SPAST: variants seen among roughly 807,000 people sequenced by gnomAD.
The protein encoded by SPAST is spastin.
Under a neutral mutation model 76.6 loss-of-function variants are expected in SPAST, and 30 were observed. The ratio of observed to expected loss-of-function variants is 0.39; its 90% CI spans 0.29 to 0.53. The LOEUF (loss-of-function observed/expected upper bound fraction) is 0.53. Ranked by LOEUF, SPAST falls within the 20% of genes least tolerant of loss-of-function variation. SPAST has a pLI of 0.68. For missense variants in SPAST, 717 were observed against 770.5 expected (o/e 0.93, Z 0.82); for synonymous variants, 305 against 281.0 (o/e 1.09, Z -0.86).
intron 1 of SPAST, among the ~76,000 whole-genome samples, chr2:32,084,344 T>C (rs568385407): frequency 6.0e-5 from 9 of 151,220 alleles, no homozygotes; most frequent in African/African-American, 2.2e-4. Flanking sequence ...TTTTGTATTT[T>C]TAGTAGAGAC....
chr2:32,082,367 T>A (rs572422920), intron 1 of SPAST, among the ~76,000 whole-genome samples: 88 of 152,186 alleles, frequency 5.8e-4, no homozygotes, highest in African/African-American at 2.0e-3. Flanking sequence ...AAATGGATAT[T>A]CTTATACATT....
chr2:32,154,725 C>G lies in SPAST; in HGVS notation c.*229C>G. The G allele has an allele frequency of 1.9e-6, 1 of 519,108 alleles. No homozygotes were observed. The highest frequency in any genetic ancestry group is 3.5e-6 in the Non-Finnish European group (1 of 289,064). The allele number at this position is 519,108 out of a possible 1,614,324, so 32.2% of individuals were successfully genotyped here. ...CCTTGCCTTGATGGTCACAGTTATC[C>G]CAATGGACACTAAGTTAGAGCACAA... is the stretch of plus-strand genomic sequence containing the variant. On this transcript the variant is annotated 3_prime_UTR_variant, in exon 17 of 17. Coordinates refer to ENST00000315285, the MANE Select transcript of SPAST (RefSeq NM_014946.4).
Position 32,098,806 on chromosome 2 carries a change from A to T in SPAST, c.597A>T (p.Gln199His). The change falls in exon 4 of 17, where the codon CAA becomes CAT. Residue 199 changes from glutamine to histidine, a missense_variant. This residue lies in a region of SPAST where 543 missense variants were observed against 445.2 expected (regional missense o/e 1.22). Coordinates refer to ENST00000315285, the MANE Select transcript of SPAST (RefSeq NM_014946.4). ...TTCTCTGTTGCATAGAGAAGATGCA[A>T]CCAGTTTTGCCATTTTCCAAGTCAC... ...KDRLQLLEKM[Q>H]PVLPFSKSQT... The T allele has an allele frequency of 1.2e-6, 2 of 1,612,532 alleles. No homozygotes were observed. Among genetic ancestry groups the T allele is most frequent in the South Asian group, 2.2e-5 (2 of 91,048 alleles).
At chr2:32,131,285 T>G (rs1679361753) in intron 9 of SPAST, among the ~76,000 whole-genome samples, 1 of 152,192 alleles carries the variant, frequency 6.6e-6, no homozygotes, top group Non-Finnish European at 1.5e-5. Context: ...CCCTCCAAAC[T>G]ATTCCCCGTT....
intron 7 of SPAST, among the ~76,000 whole-genome samples, chr2:32,125,769 C>T (rs1007565087): frequency 6.6e-6 from 1 of 151,986 alleles, no homozygotes; most frequent in Non-Finnish European, 1.5e-5. Context: ...GTTCCTCATA[C>T]CAACTTTCAA....
intron 16 of SPAST, 70 bp downstream of exon 16, chr2:32,147,328 G>A: frequency 1.7e-6 from 1 of 593,374 alleles, no homozygotes; most frequent in Non-Finnish European, 3.0e-6. Flanking sequence ...ATACATATAT[G>A]AATGTGTGTG....
intron 7 of SPAST, among the ~76,000 whole-genome samples, chr2:32,117,683 C>T (rs1678887833): frequency 6.6e-6 from 1 of 151,766 alleles, no homozygotes; most frequent in Non-Finnish European, 1.5e-5. Context: ...AGGCATGCAC[C>T]CCAACACCTG....
At chr2:32,124,335 A>G (rs1446569252) in intron 7 of SPAST, among the ~76,000 whole-genome samples, 1 of 152,158 alleles carries the variant, frequency 6.6e-6, no homozygotes, top group Non-Finnish European at 1.5e-5. Context: ...TGCCATCCCT[A>G]TTAGAATGGC....
At chr2:32,111,219 G>A (rs1406520226) in intron 4 of SPAST, among the ~76,000 whole-genome samples, 2 of 112,564 alleles carry the variant, frequency 1.8e-5, no homozygotes, top group Non-Finnish European at 3.6e-5. Context: ...ATACTATATA[G>A]TGTGTATAGC....
chr2:32,082,979 A>G (rs1033705819), intron 1 of SPAST, among the ~76,000 whole-genome samples: 1 of 149,286 alleles, frequency 6.7e-6, no homozygotes, highest in African/African-American at 2.5e-5. Context: ...TAATTAATTA[A>G]TTTTTTTTTT....
chr2:32,123,865 A>C (rs563317688), intron 7 of SPAST, among the ~76,000 whole-genome samples: 3 of 152,226 alleles, frequency 2.0e-5, no homozygotes, highest in Non-Finnish European at 4.4e-5. Flanking sequence ...TTTCACAAAA[A>C]TAAATGGATC....
intron 8 of SPAST, 41 bp from the exon 9 acceptor site, chr2:32,128,367 A>G (rs753966771): frequency 3.1e-6 from 4 of 1,302,636 alleles, no homozygotes; most frequent in Non-Finnish European, 4.4e-6. Flanking sequence ...TAAATGTAAT[A>G]TATTGAACTA....
intron 16 of SPAST, among the ~76,000 whole-genome samples, chr2:32,151,530 G>T (rs1365344098): frequency 6.6e-6 from 1 of 152,122 alleles, no homozygotes; most frequent in Non-Finnish European, 1.5e-5. Flanking sequence ...CTGTATACTA[G>T]AATTTTATAT....
intron 4 of SPAST, among the ~76,000 whole-genome samples, chr2:32,106,957 T>G (rs542779973): frequency 6.6e-6 from 1 of 151,750 alleles, no homozygotes; most frequent in South Asian, 2.1e-4. Context: ...AAATATGTAT[T>G]TGAGATCCCA....
chr2:32,085,860 G>A (rs1266705374), intron 1 of SPAST, among the ~76,000 whole-genome samples: 2 of 151,896 alleles, frequency 1.3e-5, no homozygotes, highest in Non-Finnish European at 2.9e-5. Context: ...TGAACAACAT[G>A]GTGAAACCCC....
chr2:32,089,745 A>G, intron 3 of SPAST, 140 bp downstream of exon 3: 1 of 642,644 alleles, frequency 1.6e-6, no homozygotes. Flanking sequence ...TAACATATAC[A>G]AAAACAGAAG....
At chr2:32,064,489 T>G (rs1307705818) in intron 1 of SPAST, among the ~76,000 whole-genome samples, 1 of 152,178 alleles carries the variant, frequency 6.6e-6, no homozygotes, top group Non-Finnish European at 1.5e-5. Flanking sequence ...CCCCCACACT[T>G]CTGCATGACC....
chr2:32,150,951 C>CTTTTTTTTTTTTT (rs113065520), intron 16 of SPAST, among the ~76,000 whole-genome samples: 1 of 143,350 alleles, frequency 7.0e-6, no homozygotes, highest in Non-Finnish European at 1.5e-5. Flanking sequence ...CTACTGTATA[C>CTTTTTTTTTTTTT]TTTTTTTTTT....
intron 4 of SPAST, among the ~76,000 whole-genome samples, chr2:32,099,993 G>A (rs1678059681): frequency 6.6e-6 from 1 of 150,992 alleles, no homozygotes; most frequent in South Asian, 2.1e-4. Context: ...ATGTCTGTTC[G>A]ATATGATGAT....
Sources: gnomAD v4.1 joint callset for allele counts (sites outside exome capture counted in the v4.1 genomes callset) on GRCh38, gnomAD v4.1.1 for gene constraint, gnomAD v4.1.1 regional missense constraint, MANE v1.5 for transcripts, NCBI Gene and HGNC (gene_info 2026-07-23, HGNC 2026-07-21) for gene names.